PITPNM3: variants seen among roughly 807,000 people sequenced by gnomAD.
The protein encoded by PITPNM3 is membrane-associated phosphatidylinositol transfer protein 3.
A neutral mutation model predicts 102.0 loss-of-function variants in PITPNM3; 26 were observed. That is an observed-to-expected ratio of 0.25 (90% CI 0.19 to 0.35). The LOEUF (loss-of-function observed/expected upper bound fraction) is 0.35, where lower values mean the gene tolerates loss of function less well. Among genes scored for constraint, PITPNM3 ranks in the 10% least tolerant of loss-of-function variants. The pLI, the probability that PITPNM3 is intolerant of heterozygous loss-of-function variation, is 1.00. For synonymous variants in PITPNM3, 578 were observed against 558.6 expected (o/e 1.03, Z -0.49); for missense variants, 1,083 against 1,346.1 (o/e 0.80, Z 3.06).
At chr17:6,554,086 A>T (rs974950119) in intron 1 of PITPNM3, among the ~76,000 whole-genome samples, 3 of 152,138 alleles carry the variant, frequency 2.0e-5, no homozygotes, top group Admixed American at 2.0e-4. Flanking sequence ...TGGGAGGCTG[A>T]GGCAGGCAGA....
chr17:6,478,595 G>A lies in PITPNM3; in HGVS notation c.729C>T (p.Val243=). The A allele has an allele frequency of 6.2e-7, 1 of 1,614,154 alleles. No homozygotes were observed. Among genetic ancestry groups the A allele is most frequent in the Non-Finnish European group, 8.5e-7 (1 of 1,180,032 alleles). The change falls in exon 7 of 20, where the codon GTC becomes GTT. Residue 243 remains valine (V), a synonymous_variant. Transcript: ENST00000262483. The surrounding 1 kb of genome is among the most constrained non-coding windows in gnomAD (Gnocchi z 4.4). The stretch of plus-strand genomic sequence containing the variant: ...CAGAGGACTTCAGGAACTCTCTGTA[G>A]ACCTGGTTGGCTCGCTCGATGACGG... ...VATVIERANQ[V]YREFLKSSDG...
intron 1 of PITPNM3, among the ~76,000 whole-genome samples, chr17:6,553,064 C>T (rs1043249082): frequency 7.2e-5 from 11 of 152,278 alleles, no homozygotes; most frequent in Admixed American, 5.9e-4. Flanking sequence ...ACCACCGCAC[C>T]GAGCCCCTGG....
At chr17:6,508,249 T>C (rs1907661011) in intron 3 of PITPNM3, among the ~76,000 whole-genome samples, 1 of 152,224 alleles carries the variant, frequency 6.6e-6, no homozygotes, top group South Asian at 2.1e-4. Flanking sequence ...AAGCCAGCCC[T>C]GAGTGCGGCC....
At position 6,472,099 on chromosome 17, in the gene PITPNM3, C is replaced by T. The variant is rs1159684089; in HGVS notation, c.1429+558G>A. ...CTGTCCATTACAGGTCTCCCATCGA[C>T]GATACACTCGGTCCATGCCCGGTTC... On this transcript the variant is annotated intron_variant, in intron 11 of 19. Transcript: ENST00000262483. This position sits in a 1 kb window ranked among gnomAD's most constrained non-coding sequence, Gnocchi z 4.1. Among the ~76,000 whole-genome samples the T allele has an allele frequency of 6.6e-6, 1 of 152,200 alleles. No homozygotes were observed. Among genetic ancestry groups the T allele is most frequent in the Non-Finnish European group, 1.5e-5 (1 of 68,034 alleles).
intron 4 of PITPNM3, among the ~76,000 whole-genome samples, chr17:6,489,886 C>G (rs938184843): frequency 6.6e-6 from 1 of 152,106 alleles, no homozygotes; most frequent in Non-Finnish European, 1.5e-5. Context: ...CACCTGTAAT[C>G]CCAGCTACTC....
At position 6,463,883 on chromosome 17, in the gene PITPNM3, T is replaced by C. The variant is rs1331983173; in HGVS notation, c.2157-2A>G. Reference sequence around the variant, plus strand: ...CTCATGGCACAGGTCTGGTCGCCCCTGAAAGAAACCTGCCTGTGGTCAGCC... The same window carrying C: ...CTCATGGCACAGGTCTGGTCGCCCCCGAAAGAAACCTGCCTGTGGTCAGCC... On this transcript the variant is annotated splice_acceptor_variant, in intron 16 of 19. Coordinates refer to ENST00000262483, the MANE Select transcript of PITPNM3 (RefSeq NM_031220.4). LOFTEE classifies it high-confidence loss of function. The C allele has an allele frequency of 6.2e-7, 1 of 1,613,722 alleles. No individual in the cohort carries two copies. The highest frequency in any genetic ancestry group is 1.3e-5 in the African/African-American group (1 of 74,910).
intron 4 of PITPNM3, among the ~76,000 whole-genome samples, chr17:6,495,467 G>C (rs754548948): frequency 6.6e-6 from 1 of 152,156 alleles, no homozygotes; most frequent in African/African-American, 2.4e-5. Context: ...GGGTGGAGGA[G>C]AGAGTCTTCT....
intron 3 of PITPNM3, among the ~76,000 whole-genome samples, chr17:6,518,165 T>C (rs1367231837): frequency 6.6e-6 from 1 of 152,186 alleles, no homozygotes; most frequent in Admixed American, 6.5e-5. Context: ...TGGAATCAAA[T>C]TGCTAATTAA....
chr17:6,504,480 C>A (rs1199653445), intron 3 of PITPNM3, among the ~76,000 whole-genome samples: 1 of 152,168 alleles, frequency 6.6e-6, no homozygotes, highest in Non-Finnish European at 1.5e-5. Context: ...CTTCATGGCC[C>A]ACGTCCCCTG....
intron 3 of PITPNM3, among the ~76,000 whole-genome samples, chr17:6,509,571 G>A (rs1450854213): frequency 6.6e-6 from 1 of 152,166 alleles, no homozygotes; most frequent in East Asian, 1.9e-4. Context: ...CAGACTGGTG[G>A]CTTTGCTCAT....
At position 6,478,593 on chromosome 17, in the gene PITPNM3, T is replaced by C; in HGVS notation, c.731A>G (p.Tyr244Cys). 1 of 1,614,120 alleles carries C rather than the reference T, an allele frequency of 6.2e-7. No individual in the cohort carries two copies. The highest frequency in any genetic ancestry group is 8.5e-7 in the Non-Finnish European group (1 of 1,180,022). ...ATCAGAGGACTTCAGGAACTCTCTGTAGACCTGGTTGGCTCGCTCGATGAC... is the reference window on the plus strand; with the variant it reads ...ATCAGAGGACTTCAGGAACTCTCTGCAGACCTGGTTGGCTCGCTCGATGAC... ...ATVIERANQVYREFLKSSDGI... is the reference protein window; with the variant it reads ...ATVIERANQVCREFLKSSDGI... The change falls in exon 7 of 20, where the codon TAC becomes TGC. Residue 244 changes from tyrosine (Y) to cysteine (C), a missense_variant. Around this residue, in one of 5 missense-constraint regions of PITPNM3, gnomAD observed 290 missense variants for 337.8 expected, o/e 0.86. Coordinates refer to ENST00000262483, the MANE Select transcript of PITPNM3 (RefSeq NM_031220.4). This position sits in a 1 kb window ranked among gnomAD's most constrained non-coding sequence, Gnocchi z 4.4.
Position 6,470,129 on chromosome 17 carries a change from C to T in PITPNM3, c.1773+131G>A. ...CCCACTCACGTAGGTGCTCCAATGC[C>T]TTCCTCATGCTCTTAGGATCAAGGC... is the stretch of plus-strand genomic sequence containing the variant. On this transcript the variant is annotated intron_variant, in intron 13 of 19. Coordinates refer to ENST00000262483, the MANE Select transcript of PITPNM3 (RefSeq NM_031220.4). The surrounding 1 kb of genome is among the most constrained non-coding windows in gnomAD (Gnocchi z 4.8). 9.1e-7 allele frequency: 1 copy of T among 1,094,334 alleles called. No homozygotes were observed. The highest frequency in any genetic ancestry group is 2.0e-5 in the Admixed American group (1 of 50,004). The allele number at this position is 1,094,334 out of a possible 1,614,324, so 67.8% of individuals were successfully genotyped here.
intron 1 of PITPNM3, among the ~76,000 whole-genome samples, chr17:6,543,991 G>A (rs190268499): frequency 1.7e-4 from 26 of 152,308 alleles, no homozygotes; most frequent in South Asian, 6.2e-4. Context: ...GGCAAAGGAG[G>A]GCACATGGGT....
In PITPNM3 at chr17:6,505,336, T is replaced by G. The variant is rs912868257; in HGVS notation, c.227-1762A>C. 1.8e-4 allele frequency among the ~76,000 whole-genome samples: 27 copies of G among 152,144 alleles called. No individual in the cohort carries two copies. In the East Asian group the frequency reaches 5.2e-3, roughly 29 times the overall value. On this transcript the variant is annotated intron_variant, in intron 3 of 19. Coordinates refer to ENST00000262483, the MANE Select transcript of PITPNM3 (RefSeq NM_031220.4). ...TTGATTCAAGACCTTGTCCCTTTTG[T>G]CTTCATCATGATCCCAGGTGCAGCC...
Position 6,452,545 on chromosome 17 carries a change from C to A in PITPNM3, c.*2793G>T, listed in dbSNP as rs1913892411. ...AGGCAGCAGCACCCCCTCCAGAGAA[C>A]AACACAACTTGGTTCTTTCTCCAAC... On this transcript the variant is annotated 3_prime_UTR_variant, in exon 20 of 20. Transcript: ENST00000262483. The A allele has an allele frequency of 6.6e-6, 1 of 152,250 alleles. No individual in the cohort carries two copies. Among genetic ancestry groups the A allele is most frequent in the Non-Finnish European group, 1.5e-5 (1 of 68,054 alleles). The allele number at this position is 152,250 out of a possible 1,614,324, so 9.4% of individuals were successfully genotyped here. A position where few individuals can be genotyped will look rare whatever the true frequency, so the allele number is the denominator to read the frequency against.
At chr17:6,516,363 A>G (rs1908176683) in intron 3 of PITPNM3, among the ~76,000 whole-genome samples, 1 of 151,954 alleles carries the variant, frequency 6.6e-6, no homozygotes, top group African/African-American at 2.4e-5. Context: ...GGAGATTGAG[A>G]CCATCCTGGC....
chr17:6,503,653 A>C, intron 3 of PITPNM3, 79 bp from the exon 4 acceptor site: 1 of 1,444,446 alleles, frequency 6.9e-7, no homozygotes, highest in Non-Finnish European at 9.6e-7. Context: ...GGCTGCTTGG[A>C]GCTGCCTCTG....
At chr17:6,533,698 G>A (rs983122040) in intron 2 of PITPNM3, among the ~76,000 whole-genome samples, 11 of 151,972 alleles carry the variant, frequency 7.2e-5, no homozygotes, top group South Asian at 2.1e-4. Flanking sequence ...CTCGTGATCC[G>A]CCTGCCTCTG....
intron 15 of PITPNM3, 124 bp downstream of exon 15, chr17:6,464,531 G>C (rs1904662467): frequency 8.8e-7 from 1 of 1,137,558 alleles, no homozygotes; most frequent in South Asian, 1.4e-5. Flanking sequence ...GGTAGCTCCT[G>C]GCCCTGTGCT....
Sources: allele counts gnomAD v4.1 joint callset (sites outside exome capture counted in the v4.1 genomes callset), GRCh38; gene constraint gnomAD v4.1.1; regional missense constraint gnomAD v4.1.1; non-coding constraint Gnocchi (gnomAD v3.1); transcripts MANE v1.5; gene names NCBI Gene and HGNC (gene_info 2026-07-23, HGNC 2026-07-21).